The following PHACTR2 variants were observed in gnomAD, a reference collection of about 807,000 sequenced individuals.
PHACTR2 encodes chromosome 6 open reading frame 56.
Under a neutral mutation model 76.0 loss-of-function variants are expected in PHACTR2, and 30 were observed. The ratio of observed to expected loss-of-function variants is 0.39; its 90% CI spans 0.30 to 0.54. The LOEUF (loss-of-function observed/expected upper bound fraction) is 0.54. PHACTR2 is among the 20% of genes least tolerant of loss of function. The pLI, the probability that PHACTR2 is intolerant of heterozygous loss-of-function variation, is 0.61. For missense variants in PHACTR2, 696 were observed against 781.1 expected (o/e 0.89, Z 1.30); for synonymous variants, 292 against 292.5 (o/e 1.00, Z 0.02).
At position 143,653,562 on chromosome 6, in the gene PHACTR2, C is replaced by G. The variant is rs1218264779; in HGVS notation, c.13+45240C>G. On this transcript the variant is annotated intron_variant, in intron 1 of 11. Transcript: ENST00000305766. The surrounding 1 kb of genome is among the most constrained non-coding windows in gnomAD (Gnocchi z 4.9). ...ATAGAATTGAGTCCAGAAATAAACT[C>G]TCACATTTTTAGAAAATTGGTTGTC... 2.0e-5 allele frequency among the ~76,000 whole-genome samples: 3 copies of G among 151,824 alleles called. No homozygotes were observed. The highest frequency in any genetic ancestry group is 7.3e-5 in the African/African-American group (3 of 41,306).
rs1309966999 is a variant in PHACTR2, at chr6:143,822,361, C to T, written c.1923-1313C>T. Among the ~76,000 whole-genome samples, 2 of 152,008 alleles carry T rather than the reference C, an allele frequency of 1.3e-5. No individual in the cohort carries two copies. Among genetic ancestry groups the T allele is most frequent in the Non-Finnish European group, 2.9e-5 (2 of 68,002 alleles). On this transcript the variant is annotated intron_variant, in intron 12 of 12. Coordinates refer to ENST00000440869, the MANE Select transcript of PHACTR2 (RefSeq NM_001100164.2). The surrounding 1 kb of genome is among the most constrained non-coding windows in gnomAD (Gnocchi z 5.5). Reference sequence around the variant, plus strand: ...ATTTTGTAGGTAATGGGGAACAATACGATCCTTTTGAGAAAGAACTGGGTT... The same window carrying T: ...ATTTTGTAGGTAATGGGGAACAATATGATCCTTTTGAGAAAGAACTGGGTT...
rs1295503907 is a variant in PHACTR2 at position 143,767,945 on chromosome 6, C to T, written c.1232+2147C>T. Among the ~76,000 whole-genome samples, 1 of 152,160 alleles carries T rather than the reference C, an allele frequency of 6.6e-6. No individual in the cohort carries two copies. The highest frequency in any genetic ancestry group is 2.4e-5 in the African/African-American group (1 of 41,432). ...CTCTGCCTCCCAGGTTCAAGCAATT[C>T]TCCTGCCTCAGCCTCCCCAGTAACT... On this transcript the variant is annotated intron_variant, in intron 6 of 12. Transcript: ENST00000440869. The surrounding 1 kb of genome is among the most constrained non-coding windows in gnomAD (Gnocchi z 4.4).
At chr6:143,588,050 A>AAATAAAATAAAATAAAATAAAATAC (rs1775648764) in intron 1 of PHACTR2, among the ~76,000 whole-genome samples, 1 of 151,350 alleles carries the variant, frequency 6.6e-6, no homozygotes, top group Non-Finnish European at 1.5e-5. Flanking sequence ...AAATAAAATA[A>AAATAAAATAAAATAAAATAAAATAC]AATACTAGTC....
At chr6:143,808,070 T>C (rs921280778) in intron 12 of PHACTR2, among the ~76,000 whole-genome samples, 10 of 152,196 alleles carry the variant, frequency 6.6e-5, no homozygotes, top group South Asian at 2.1e-4. Flanking sequence ...AGGGTTACAG[T>C]TGGCCTTCCA....
intron 2 of PHACTR2, among the ~76,000 whole-genome samples, chr6:143,744,735 T>A (rs990280334): frequency 4.6e-5 from 7 of 152,150 alleles, no homozygotes; most frequent in African/African-American, 1.2e-4. Flanking sequence ...CTGCGGTGAG[T>A]TCAGGGATTG....
At chr6:143,711,819 A>G in intron 1 of PHACTR2, 197 bp from the exon 2 acceptor site, 1 of 743,044 alleles carries the variant, frequency 1.3e-6, no homozygotes, top group South Asian at 1.4e-5. Context: ...ATGATTTTCT[A>G]AGTGGGCTGT....
chr6:143,678,100 G>A lies in PHACTR2; in HGVS notation c.-64G>A. ...AACGCCTGGAAGTCTGGCTGGGAGC[G>A]GACCCATGATCGAAGGACCAAAGGA... On this transcript the variant is annotated 5_prime_UTR_variant, in exon 1 of 13. Coordinates refer to ENST00000440869, the MANE Select transcript of PHACTR2 (RefSeq NM_001100164.2). The surrounding 1 kb of genome is among the most constrained non-coding windows in gnomAD (Gnocchi z 6.2). The A allele has an allele frequency of 6.5e-7, 1 of 1,544,736 alleles. No homozygotes were observed. The highest frequency in any genetic ancestry group is 8.7e-7 in the Non-Finnish European group (1 of 1,144,398).
chr6:143,753,450 A>G lies in PHACTR2; in HGVS notation c.296-304A>G, dbSNP rs944094389. Among the ~76,000 whole-genome samples the G allele has an allele frequency of 1.3e-5, 2 of 152,190 alleles. No individual in the cohort carries two copies. The highest frequency in any genetic ancestry group is 6.5e-5 in the Admixed American group (1 of 15,278). ...CTGAATGACAAAGAAACACATAACTATTGACTTCAGACAAACCTAAGCACA... is the reference window on the plus strand; with the variant it reads ...CTGAATGACAAAGAAACACATAACTGTTGACTTCAGACAAACCTAAGCACA... On this transcript the variant is annotated intron_variant, in intron 3 of 12. Transcript: ENST00000440869. The surrounding 1 kb of genome is among the most constrained non-coding windows in gnomAD (Gnocchi z 4.6).
At position 143,761,405 on chromosome 6, in the gene PHACTR2, C is replaced by T. The variant is rs1779437685; in HGVS notation, c.694+765C>T. On this transcript the variant is annotated intron_variant, in intron 5 of 12. Coordinates refer to ENST00000440869, the MANE Select transcript of PHACTR2 (RefSeq NM_001100164.2). This position sits in a 1 kb window ranked among gnomAD's most constrained non-coding sequence, Gnocchi z 5.2. Reference sequence around the variant, plus strand: ...ATGCTTGATGCAAAGTGGAAACTCCCATTTTTTTAGTGAAGAGGAAGAAAG... The same window carrying T: ...ATGCTTGATGCAAAGTGGAAACTCCTATTTTTTTAGTGAAGAGGAAGAAAG... 6.6e-6 allele frequency among the ~76,000 whole-genome samples: 1 copy of T among 152,196 alleles called. No individual in the cohort carries two copies. Among genetic ancestry groups the T allele is most frequent in the Non-Finnish European group, 1.5e-5 (1 of 68,052 alleles).
Position 143,648,011 on chromosome 6 carries a change from A to G in PHACTR2, c.13+39689A>G, listed in dbSNP as rs1238923411. On this transcript the variant is annotated intron_variant, in intron 1 of 11. Transcript: ENST00000305766. The surrounding 1 kb of genome is among the most constrained non-coding windows in gnomAD (Gnocchi z 6.7). ...CGCAGTGGAAATAAGGGAAGCAGGT[A>G]GGATCCTGCCGTGACCCGAGAGAGA... Among the ~76,000 whole-genome samples, 2 of 152,338 alleles carry G rather than the reference A, an allele frequency of 1.3e-5. No individual in the cohort carries two copies. The highest frequency in any genetic ancestry group is 6.5e-5 in the Admixed American group (1 of 15,304).
intron 6 of PHACTR2, among the ~76,000 whole-genome samples, chr6:143,771,158 GTATA>G (rs1341330418): frequency 0.013 from 183 of 14,550 alleles, no homozygotes; most frequent in Non-Finnish European, 0.021. Flanking sequence ...ATATATATAT[GTATA>G]TATATATATA....
chr6:143,551,620 C>T (rs1775096752), intron 1 of PHACTR2, among the ~76,000 whole-genome samples: 1 of 152,088 alleles, frequency 6.6e-6, no homozygotes, highest in African/African-American at 2.4e-5. Flanking sequence ...ACTATTGCTT[C>T]TATGGGTTGA....
intron 6 of PHACTR2, among the ~76,000 whole-genome samples, chr6:143,770,547 C>G (rs1172192303): frequency 6.6e-6 from 1 of 151,936 alleles, no homozygotes. Flanking sequence ...TTTCCTATTT[C>G]CCTGTTTGAG....
chr6:143,707,852 T>G (rs1327948133), intron 1 of PHACTR2, among the ~76,000 whole-genome samples: 1 of 152,300 alleles, frequency 6.6e-6, no homozygotes, highest in East Asian at 1.9e-4. Flanking sequence ...CTCAGGAAAC[T>G]TATAATCATG....
chr6:143,605,666 T>C (rs1252348683), upstream of PHACTR2, among the ~76,000 whole-genome samples: 4 of 152,182 alleles, frequency 2.6e-5, no homozygotes, highest in East Asian at 1.9e-4. This position sits in a 1 kb window ranked among gnomAD's most constrained non-coding sequence, Gnocchi z 5.0. Flanking sequence ...CACTCAACAT[T>C]AATTTTCTGA....
chr6:143,719,858 G>A (rs1441352172), intron 2 of PHACTR2, among the ~76,000 whole-genome samples: 24 of 125,142 alleles, frequency 1.9e-4, no homozygotes, highest in Middle Eastern at 0.013. Flanking sequence ...TCTCGCCCAG[G>A]CTGGAGTGCA....
At chr6:143,748,812 T>A (rs1354332895) in intron 2 of PHACTR2, 173 bp from the exon 3 acceptor site, 1 of 464,164 alleles carries the variant, frequency 2.2e-6, no homozygotes, top group East Asian at 3.6e-5. Context: ...CCATTTGCTC[T>A]TGTCATAGCT....
chr6:143,575,845 T>A (rs1044792414), intron 1 of PHACTR2, among the ~76,000 whole-genome samples: 12 of 152,128 alleles, frequency 7.9e-5, no homozygotes, highest in African/African-American at 2.7e-4. Flanking sequence ...GATTCTTAAG[T>A]ACATTAAGTC....
At chr6:143,711,860 A>G in intron 1 of PHACTR2, 156 bp from the exon 2 acceptor site, 1 of 770,918 alleles carries the variant, frequency 1.3e-6, no homozygotes, top group Non-Finnish European at 2.4e-6. Flanking sequence ...ATATGAGGGA[A>G]GTCCTACCAG....
Sources: gnomAD v4.1 joint callset for allele counts (sites outside exome capture counted in the v4.1 genomes callset) on GRCh38, gnomAD v4.1.1 for gene constraint, Gnocchi (gnomAD v3.1) non-coding constraint, MANE v1.5 for transcripts, NCBI Gene and HGNC (gene_info 2026-07-23, HGNC 2026-07-21) for gene names.